Variants in KDM4B observed in about 807,000 individuals in gnomAD.
KDM4B encodes the protein lysine demethylase 4B, also known as lysine-specific demethylase 4B.
In KDM4B, 32 loss-of-function variants were observed where a neutral mutation model predicts 125.2. The observed-to-expected ratio is 0.26, with a 90% confidence interval of 0.19 to 0.34. KDM4B has a LOEUF of 0.34. Among genes scored for constraint, KDM4B ranks in the 10% least tolerant of loss-of-function variants. KDM4B has a pLI of 1.00. For synonymous variants in KDM4B, 721 were observed against 677.9 expected, an observed-to-expected ratio of 1.06 and a Z score of -0.99; for missense variants, 1,190 against 1,577.7, an observed-to-expected ratio of 0.75 and a Z score of 4.16.
intron 6 of KDM4B, among the ~76,000 whole-genome samples, chr19:5,061,272 G>A (rs2037588318): frequency 6.6e-6 from 1 of 152,236 alleles, no homozygotes; most frequent in African/African-American, 2.4e-5. Context: ...CTGAGCCGAG[G>A]CTCCCAGGAC....
rs546002783 is a variant in KDM4B, at chr19:4,989,165, G to T, written c.-109+19935G>T. On this transcript the variant is annotated intron_variant, in intron 1 of 22. Coordinates refer to ENST00000159111, the MANE Select transcript of KDM4B (RefSeq NM_015015.3). ...GGTGAGTCGCTGCCGTGGAGGGCTT[G>T]GCAGGGTGCTCTGTGAAGGGCCCTG... 1.4e-4 allele frequency among the ~76,000 whole-genome samples: 22 copies of T among 152,344 alleles called. 1 individual carries two copies. In the South Asian group the frequency reaches 4.6e-3, roughly 32 times the overall value.
chr19:5,094,426 T>C (rs1217522313), intron 9 of KDM4B, among the ~76,000 whole-genome samples: 1 of 152,010 alleles, frequency 6.6e-6, no homozygotes, highest in Non-Finnish European at 1.5e-5. Flanking sequence ...TTCATCACCA[T>C]GTGCGGGGGG....
At chr19:5,004,397 C>T (rs1039184306) in intron 1 of KDM4B, among the ~76,000 whole-genome samples, 2 of 152,192 alleles carry the variant, frequency 1.3e-5, no homozygotes, top group African/African-American at 4.8e-5. Context: ...GCGCATCCCG[C>T]CAGCTCCTTG....
intron 1 of KDM4B, among the ~76,000 whole-genome samples, chr19:4,979,978 G>A (rs1404879624): frequency 6.6e-6 from 1 of 152,058 alleles, no homozygotes; most frequent in Admixed American, 6.6e-5. Context: ...AGTGGTGCAC[G>A]CCTGTAGTCC....
At chr19:5,145,710 T>C (rs1432676082) in intron 21 of KDM4B, among the ~76,000 whole-genome samples, 1 of 152,174 alleles carries the variant, frequency 6.6e-6, no homozygotes, top group Non-Finnish European at 1.5e-5. Context: ...TGAGCTCCCC[T>C]GGCTCGAGGC....
chr19:5,142,786 G>A lies in KDM4B; in HGVS notation c.2551-1181G>A, dbSNP rs998482353. Among the ~76,000 whole-genome samples the A allele has an allele frequency of 5.9e-5, 9 of 152,020 alleles. No individual in the cohort carries two copies. The highest frequency in any genetic ancestry group is 3.9e-4 in the Admixed American group (6 of 15,258). The stretch of plus-strand genomic sequence containing the variant: ...AATTGGGTATTTACAGTTTAATAAC[G>A]AGATCTCGATGCCGTCGATCGGCCC... On this transcript the variant is annotated intron_variant, in intron 18 of 22. Transcript: ENST00000159111. This position sits in a 1 kb window ranked among gnomAD's most constrained non-coding sequence, Gnocchi z 5.4.
At chr19:5,122,753 A>G (rs2620851) in intron 11 of KDM4B, among the ~76,000 whole-genome samples, 59,419 of 152,132 alleles carry the variant, frequency 0.39, 11,705 homozygotes, top group East Asian at 0.64. Flanking sequence ...AGAGGGCACC[A>G]GAAGAGGAGA....
intron 1 of KDM4B, among the ~76,000 whole-genome samples, chr19:4,978,377 C>T (rs931763276): frequency 5.9e-5 from 9 of 151,682 alleles, no homozygotes; most frequent in Admixed American, 5.9e-4. Flanking sequence ...CGCGGTGGCA[C>T]GTGCCTGTAA....
chr19:5,076,677 A>C (rs903567121), intron 7 of KDM4B: 23 of 153,148 alleles, frequency 1.5e-4, no homozygotes, highest in East Asian at 6.6e-4. Flanking sequence ...GAGCGGCCAC[A>C]CTGCGTCCTT....
chr19:5,071,179 T>C (rs1435836637), intron 7 of KDM4B, 120 bp downstream of exon 7: 2 of 855,882 alleles, frequency 2.3e-6, no homozygotes, highest in Non-Finnish European at 3.6e-6. Flanking sequence ...TTTTGGGGAG[T>C]GGTGACATTC....
intron 6 of KDM4B, among the ~76,000 whole-genome samples, chr19:5,057,040 G>A (rs1188160390): frequency 1.5e-5 from 2 of 134,696 alleles, no homozygotes; most frequent in Non-Finnish European, 3.1e-5. Flanking sequence ...GTGTGTGTGT[G>A]TGTGTGTGTG....
At chr19:5,068,814 C>T (rs948379763) in intron 6 of KDM4B, among the ~76,000 whole-genome samples, 2 of 152,250 alleles carry the variant, frequency 1.3e-5, no homozygotes, top group Admixed American at 6.5e-5. Context: ...TTTCTGATAA[C>T]GCCAGAGCCA....
chr19:5,031,539 C>T (rs1485899215), intron 2 of KDM4B, among the ~76,000 whole-genome samples: 1 of 152,244 alleles, frequency 6.6e-6, no homozygotes, highest in African/African-American at 2.4e-5. Flanking sequence ...GCGGTTTTGT[C>T]AAACCCAGTG....
At chr19:5,011,759 C>CCGAG (rs2035734544) in intron 1 of KDM4B, among the ~76,000 whole-genome samples, 3 of 152,206 alleles carry the variant, frequency 2.0e-5, no homozygotes, top group Admixed American at 1.3e-4. Flanking sequence ...CGGAACCCAC[C>CCGAG]CGAGGGTCAG....
intron 5 of KDM4B, among the ~76,000 whole-genome samples, chr19:5,042,556 A>G (rs571463404): frequency 6.6e-6 from 1 of 152,226 alleles, no homozygotes; most frequent in African/African-American, 2.4e-5. Context: ...GAATAAAGAA[A>G]AGGTTTAATT....
intron 6 of KDM4B, among the ~76,000 whole-genome samples, chr19:5,063,381 C>T (rs760972493): frequency 3.3e-5 from 5 of 152,080 alleles, no homozygotes; most frequent in Middle Eastern, 3.2e-3. Flanking sequence ...GAAAATATGC[C>T]GGATTCAGAA....
At chr19:5,011,192 C>T (rs577282810) in intron 1 of KDM4B, among the ~76,000 whole-genome samples, 2 of 152,146 alleles carry the variant, frequency 1.3e-5, no homozygotes, top group Admixed American at 6.5e-5. Flanking sequence ...GAATTGACCA[C>T]GTGTCCTGCA....
intron 9 of KDM4B, among the ~76,000 whole-genome samples, chr19:5,089,993 A>G (rs998790311): frequency 5.3e-5 from 8 of 152,162 alleles, no homozygotes; most frequent in African/African-American, 1.7e-4. Flanking sequence ...ACATAGTGAG[A>G]CCCCATTCTC....
chr19:5,111,282 G>GCAT, intron 10 of KDM4B: 1 of 696,700 alleles, frequency 1.4e-6, no homozygotes, highest in Non-Finnish European at 2.6e-6. Flanking sequence ...ACTCAACGGG[G>GCAT]CATCAGGTGG....
Sources: allele counts gnomAD v4.1 joint callset (sites outside exome capture counted in the v4.1 genomes callset), GRCh38; gene constraint gnomAD v4.1.1; non-coding constraint Gnocchi (gnomAD v3.1); transcripts MANE v1.5; gene names NCBI Gene and HGNC (gene_info 2026-07-23, HGNC 2026-07-21).